CACNA1G: variants seen among roughly 807,000 people sequenced by gnomAD.
The protein encoded by CACNA1G is calcium voltage-gated channel subunit alpha1 G, also known as voltage-dependent T-type calcium channel subunit alpha-1G.
CACNA1G carries 67 observed loss-of-function variants against 219.4 expected under a neutral mutation model. That is an observed-to-expected ratio of 0.31 (90% confidence interval 0.25 to 0.37). CACNA1G has a LOEUF of 0.37. Among genes scored for constraint, CACNA1G ranks in the 10% least tolerant of loss-of-function variants. CACNA1G has a pLI of 1.00. For missense variants in CACNA1G, 2,380 were observed against 3,231.4 expected (o/e 0.74, Z 6.39); for synonymous variants, 1,296 against 1,345.3 (o/e 0.96, Z 0.80).
At chr17:50,563,201 G>A (rs1460059784) in intron 1 of CACNA1G, 1 of 152,286 alleles carries the variant, frequency 6.6e-6, no homozygotes, top group African/African-American at 2.4e-5. Context: ...TCTACACCTT[G>A]TGGGTCTTTA....
chr17:50,618,519 C>A lies in CACNA1G; in HGVS notation c.5428-136C>A. On this transcript the variant is annotated intron_variant, in intron 32 of 37. Transcript: ENST00000359106. The surrounding 1 kb of genome is among the most constrained non-coding windows in gnomAD (Gnocchi z 5.3). ...GCTCTGACTCACACTTGTAGTGCTC[C>A]TCTGCCCCCAAACACTCCCTCCTCC... 1 of 1,053,744 alleles carries A rather than the reference C, an allele frequency of 9.5e-7. No individual in the cohort carries two copies. The highest frequency in any genetic ancestry group is 1.4e-6 in the Non-Finnish European group (1 of 710,228). 65.3% of individuals were successfully genotyped at this position (1,053,744 alleles called of 1,614,324 possible).
Position 50,626,663 on chromosome 17 carries a change from C to A in CACNA1G, c.7046C>A (p.Pro2349His), listed in dbSNP as rs2053874903. ...DSKDPLASGPPDSMAASPSPK... is the reference protein window; with the variant it reads ...DSKDPLASGPHDSMAASPSPK... ...AAGGATCCCTTGGCCTCTGGCCCCC[C>A]TGACAGCATGGCTGCCTCGCCCTCC... Residue 2349 changes from proline to histidine, a missense_variant, in exon 38 of 38, where the codon CCT becomes CAT. This residue lies in a region of CACNA1G where 672 missense variants were observed against 670.5 expected (regional missense o/e 1.00). Coordinates refer to ENST00000359106, the MANE Select transcript of CACNA1G (RefSeq NM_018896.5). The surrounding 1 kb of genome is among the most constrained non-coding windows in gnomAD (Gnocchi z 4.3). 6.2e-7 allele frequency: 1 copy of A among 1,613,270 alleles called. No homozygotes were observed. The highest frequency in any genetic ancestry group is 8.5e-7 in the Non-Finnish European group (1 of 1,179,858).
rs2051789873 is a variant in CACNA1G at position 50,621,062 on chromosome 17, G to GGGCGGGCGGGCTGCA, written c.5926-594_5926-580dup. Among the ~76,000 whole-genome samples the GGGCGGGCGGGCTGCA allele has an allele frequency of 6.6e-6, 1 of 152,208 alleles. No homozygotes were observed. Among genetic ancestry groups the GGGCGGGCGGGCTGCA allele is most frequent in the Non-Finnish European group, 1.5e-5 (1 of 68,044 alleles). On this transcript the variant is annotated intron_variant, in intron 34 of 37. Coordinates refer to ENST00000359106, the MANE Select transcript of CACNA1G (RefSeq NM_018896.5). This position sits in a 1 kb window ranked among gnomAD's most constrained non-coding sequence, Gnocchi z 4.6. ...CATCTCCCAGAGCCCAAGTTGGAGA[G>GGGCGGGCGGGCTGCA]GGCGGGCGGGCTGCAGGCAGGCGGA...
At chr17:50,589,191 C>T (rs1372673325) in intron 9 of CACNA1G, among the ~76,000 whole-genome samples, 1 of 152,150 alleles carries the variant, frequency 6.6e-6, no homozygotes, top group African/African-American at 2.4e-5. Flanking sequence ...CTCTGCCTGG[C>T]CACACCCCTC....
chr17:50,575,537 CT>C lies in CACNA1G; in HGVS notation c.1141-5del, dbSNP rs1390235496. ...ACATTTCCTCTTCCTGTCCCCACCCCTACAGGTGGGCTCCTTCTTCATGATC... is the reference window on the plus strand; with the variant it reads ...ACATTTCCTCTTCCTGTCCCCACCCCACAGGTGGGCTCCTTCTTCATGATC... On this transcript the variant is annotated splice_polypyrimidine_tract_variant and splice_region_variant and intron_variant, in intron 7 of 37. Coordinates refer to ENST00000359106, the MANE Select transcript of CACNA1G (RefSeq NM_018896.5). The C allele has an allele frequency of 6.2e-7, 1 of 1,603,420 alleles. No individual in the cohort carries two copies. The highest frequency in any genetic ancestry group is 1.3e-5 in the African/African-American group (1 of 74,686).
intron 9 of CACNA1G, among the ~76,000 whole-genome samples, chr17:50,584,740 T>A: frequency 7.0e-6 from 1 of 142,582 alleles, no homozygotes; most frequent in Admixed American, 6.6e-5. Flanking sequence ...AGGAGGGACG[T>A]GGAGCCCCCC....
In CACNA1G at chr17:50,596,771, C is replaced by T; in HGVS notation, c.3106C>T (p.Leu1036=). 5 of 1,612,598 alleles carry T rather than the reference C, an allele frequency of 3.1e-6. No homozygotes were observed. The highest frequency in any genetic ancestry group is 3.4e-6 in the Non-Finnish European group (4 of 1,179,760). Residue 1036 remains leucine (L), a synonymous_variant, in exon 16 of 38, where the codon CTG becomes TTG. Coordinates refer to ENST00000359106, the MANE Select transcript of CACNA1G (RefSeq NM_018896.5). The surrounding 1 kb of genome is among the most constrained non-coding windows in gnomAD (Gnocchi z 4.8). ...GEHPELRKSL[L]PPLIIHTAAT... ...GCACCCGGAGCTGCGGAAGAGCCTG[C>T]TGCCGCCTCTCATCATCCACACGGC...
chr17:50,573,124 C>G lies in CACNA1G; in HGVS notation c.1140+11C>G. 1 of 1,551,106 alleles carries G rather than the reference C, an allele frequency of 6.4e-7. No individual in the cohort carries two copies. Among genetic ancestry groups the G allele is most frequent in the Non-Finnish European group, 8.8e-7 (1 of 1,142,764 alleles). ...ATCCTCCTCATCATCGTGAGTGACT[C>G]CTCAGATCCCCGTGGGGATGGGCGA... On this transcript the variant is annotated intron_variant, in intron 7 of 37. Coordinates refer to ENST00000359106, the MANE Select transcript of CACNA1G (RefSeq NM_018896.5).
intron 4 of CACNA1G, among the ~76,000 whole-genome samples, chr17:50,570,278 C>T (rs572220707): frequency 5.9e-5 from 9 of 152,346 alleles, no homozygotes; most frequent in African/African-American, 2.2e-4. Context: ...CTGTCCCCTT[C>T]CTCCTTCCCG....
chr17:50,589,099 A>C (rs149858189), intron 9 of CACNA1G, among the ~76,000 whole-genome samples: 4 of 152,336 alleles, frequency 2.6e-5, no homozygotes, highest in African/African-American at 9.6e-5. Flanking sequence ...CCTCCAGGCC[A>C]GACACCTAGT....
rs1046806904 is a variant in CACNA1G, at chr17:50,618,665, G to A, written c.5438G>A (p.Arg1813Gln). 3.1e-6 allele frequency: 5 copies of A among 1,612,344 alleles called. No homozygotes were observed. Among genetic ancestry groups the A allele is most frequent in the African/African-American group, 1.3e-5 (1 of 74,936 alleles). ...NWNGIMKDTL[R>Q]DCDQESTCYN... ...TTCCACCCTCCCCAGGACACCCTCC[G>A]GGACTGTGACCAGGAGTCCACCTGC... Residue 1813 changes from arginine (R) to glutamine (Q), a missense_variant, in exon 33 of 38, where the codon CGG (arginine) becomes CAG (glutamine). Coordinates refer to ENST00000359106, the MANE Select transcript of CACNA1G (RefSeq NM_018896.5). This position sits in a 1 kb window ranked among gnomAD's most constrained non-coding sequence, Gnocchi z 5.3.
At chr17:50,568,755 C>T (rs1268969316) in intron 1 of CACNA1G, 115 bp from the exon 2 acceptor site, 2 of 795,644 alleles carry the variant, frequency 2.5e-6, no homozygotes, top group East Asian at 5.3e-5. Context: ...CCTGGCACCA[C>T]ACCTGCTTAG....
chr17:50,572,499 C>A lies in CACNA1G; in HGVS notation c.747-55C>A, dbSNP rs552856897. 86 of 1,431,812 alleles carry A rather than the reference C, an allele frequency of 6.0e-5. 1 individual carries two copies. In the South Asian group the frequency reaches 1.2e-3, roughly 20 times the overall value. The allele number at this position is 1,431,812 out of a possible 1,614,324, so 88.7% of individuals were successfully genotyped here. The stretch of plus-strand genomic sequence containing the variant: ...TGCCATCTCTCCCTTCCTGGGCCCT[C>A]TCCCTGGAGAGCCCACTCCCCAGTC... On this transcript the variant is annotated intron_variant, in intron 5 of 37. Transcript: ENST00000359106.
chr17:50,584,827 T>C (rs2042691680), intron 9 of CACNA1G, among the ~76,000 whole-genome samples: 1 of 151,678 alleles, frequency 6.6e-6, no homozygotes, highest in Admixed American at 6.6e-5. Context: ...AGGCAGCTCC[T>C]GGGGGAGAGA....
Position 50,578,193 on chromosome 17 carries a change from T to C in CACNA1G, c.1930T>C (p.Cys644Arg). The C allele has an allele frequency of 6.4e-7, 1 of 1,570,480 alleles. No individual in the cohort carries two copies. The highest frequency in any genetic ancestry group is 8.6e-7 in the Non-Finnish European group (1 of 1,156,698). Residue 644 changes from cysteine (C) to arginine (R), a missense_variant, in exon 9 of 38, where the codon TGC becomes CGC. Cys to Arg is a radical substitution (Grantham distance 180). Around this residue, in one of 17 missense-constraint regions of CACNA1G, gnomAD observed 434 missense variants for 417.3 expected, o/e 1.04. Coordinates refer to ENST00000359106, the MANE Select transcript of CACNA1G (RefSeq NM_018896.5). This position sits in a 1 kb window ranked among gnomAD's most constrained non-coding sequence, Gnocchi z 4.5. ...CCTCTACTCTCCTGTTCCAGGTGCC[T>C]GCCAAAGCTCTTGCAAGATCTCCAG... ...KLLETQSTGA[C>R]QSSCKISSPC...
At chr17:50,598,957 G>A (rs1191113690) in intron 16 of CACNA1G, among the ~76,000 whole-genome samples, 2 of 152,136 alleles carry the variant, frequency 1.3e-5, no homozygotes, top group Admixed American at 6.5e-5. Context: ...CGAGCTCCTG[G>A]CCTCAGGTGA....
In CACNA1G at chr17:50,569,015, T is replaced by TGTGTGTGTGTGTGTGTGTGTGTTG. The variant is rs58450142; in HGVS notation, c.354+34_354+35insGTGTGTGTGTGTGTGTGTGTGTTG. On this transcript the variant is annotated intron_variant, in intron 2 of 37. Coordinates refer to ENST00000359106, the MANE Select transcript of CACNA1G (RefSeq NM_018896.5). The stretch of plus-strand genomic sequence containing the variant: ...GTGTGTGTGTGTGTGTGTGTGTGTG[T>TGTGTGTGTGTGTGTGTGTGTGTTG]TGTGTGTGTTGGGGGTTGGCCCCTC... 9.9e-4 allele frequency: 1,220 copies of TGTGTGTGTGTGTGTGTGTGTGTTG among 1,227,460 alleles called. 8 individuals carry two copies. Among genetic ancestry groups the TGTGTGTGTGTGTGTGTGTGTGTTG allele is most frequent in the African/African-American group, 8.8e-3 (567 of 64,644 alleles). The allele number at this position is 1,227,460 out of a possible 1,614,324, so 76.0% of individuals were successfully genotyped here.
In CACNA1G at chr17:50,624,345, T is replaced by A; in HGVS notation, c.6230-15T>A. ...TCTCTCCCCCCACCCCTCCCCCGCT[T>A]CCCTCCCTCCACAGGCTCCGTCTTG... On this transcript the variant is annotated splice_polypyrimidine_tract_variant and intron_variant, in intron 36 of 37. Transcript: ENST00000359106. The A allele has an allele frequency of 2.6e-6, 3 of 1,132,444 alleles. No homozygotes were observed. The highest frequency in any genetic ancestry group is 3.7e-6 in the Non-Finnish European group (3 of 806,914). The allele number at this position is 1,132,444 out of a possible 1,614,324, so 70.1% of individuals were successfully genotyped here.
At chr17:50,609,468 T>G (rs2048708010) in intron 25 of CACNA1G, among the ~76,000 whole-genome samples, 1 of 152,138 alleles carries the variant, frequency 6.6e-6, no homozygotes, top group Non-Finnish European at 1.5e-5. Flanking sequence ...GTCCCACTCC[T>G]GCTCCATCCT....
Sources: gnomAD v4.1 joint callset for allele counts (sites outside exome capture counted in the v4.1 genomes callset) on GRCh38, gnomAD v4.1.1 for gene constraint, gnomAD v4.1.1 regional missense constraint, Gnocchi (gnomAD v3.1) non-coding constraint, MANE v1.5 for transcripts, NCBI Gene and HGNC (gene_info 2026-07-23, HGNC 2026-07-21) for gene names.